Variants in NUAK1 observed in about 807,000 individuals in gnomAD.
NUAK1 encodes the protein NUAK family kinase 1, also known as NUAK family SNF1-like kinase 1.
Under a neutral mutation model 56.9 loss-of-function variants are expected in NUAK1, and 26 were observed. The observed-to-expected ratio is 0.46, with a 90% confidence interval of 0.33 to 0.63. The LOEUF (loss-of-function observed/expected upper bound fraction) is 0.63, where lower values mean the gene tolerates loss of function less well. Ranked by LOEUF, NUAK1 falls within the 30% of genes least tolerant of loss-of-function variation. NUAK1 has a pLI of 0.02. For synonymous variants in NUAK1, 337 were observed against 336.0 expected (o/e 1.00, Z -0.03); for missense variants, 727 against 876.1 (o/e 0.83, Z 2.15).
At chr12:106,128,508 G>A (rs2033046438) in intron 1 of NUAK1, among the ~76,000 whole-genome samples, 1 of 152,192 alleles carries the variant, frequency 6.6e-6, no homozygotes, top group Non-Finnish European at 1.5e-5. Context: ...AGTGACCTCT[G>A]GCAGTTGGGG....
intron 4 of NUAK1, among the ~76,000 whole-genome samples, chr12:106,075,322 G>C (rs12099596): frequency 0.02 from 1,482 of 73,400 alleles, 21 homozygotes; most frequent in African/African-American, 0.058. Flanking sequence ...CACACACAGA[G>C]AGAGAGAGAG....
intron 4 of NUAK1, among the ~76,000 whole-genome samples, chr12:106,074,795 C>A (rs774702164): frequency 2.0e-5 from 3 of 152,124 alleles, no homozygotes; most frequent in Non-Finnish European, 1.5e-5. Flanking sequence ...AATGGAATGT[C>A]ATTGAAAGCA....
intron 1 of NUAK1, among the ~76,000 whole-genome samples, chr12:106,114,839 T>C (rs753991986): frequency 1.3e-5 from 2 of 152,188 alleles, no homozygotes; most frequent in Non-Finnish European, 2.9e-5. Context: ...CCAGAACTGT[T>C]GCATCATTAA....
At chr12:106,131,393 A>G (rs1048597607) in intron 1 of NUAK1, among the ~76,000 whole-genome samples, 3 of 152,142 alleles carry the variant, frequency 2.0e-5, no homozygotes, top group South Asian at 2.1e-4. Flanking sequence ...CGCTGTCTCT[A>G]TGGATTTGTC....
At chr12:106,092,553 T>C (rs573861764) in intron 2 of NUAK1, among the ~76,000 whole-genome samples, 5 of 152,298 alleles carry the variant, frequency 3.3e-5, no homozygotes, top group Admixed American at 3.3e-4. Context: ...TCAACATGTT[T>C]GTGAGAATAA....
intron 4 of NUAK1, among the ~76,000 whole-genome samples, chr12:106,077,517 C>A (rs2032476586): frequency 6.6e-6 from 1 of 152,218 alleles, no homozygotes; most frequent in African/African-American, 2.4e-5. Context: ...TCTTACCACT[C>A]ATTTATAATA....
At chr12:106,096,836 A>G (rs1343170071) in intron 2 of NUAK1, among the ~76,000 whole-genome samples, 1 of 152,232 alleles carries the variant, frequency 6.6e-6, no homozygotes, top group Non-Finnish European at 1.5e-5. Context: ...TGCAGGATTA[A>G]GCCTGTATTT....
chr12:106,098,640 T>C (rs1482013070), intron 2 of NUAK1, among the ~76,000 whole-genome samples: 1 of 151,858 alleles, frequency 6.6e-6, no homozygotes, highest in African/African-American at 2.4e-5. Context: ...AAACCAAGGG[T>C]GTCAAAGGGA....
rs1336352757 is a variant in NUAK1, at chr12:106,065,954, G to C, written c.*848C>G. On this transcript the variant is annotated 3_prime_UTR_variant, in exon 7 of 7. Coordinates refer to ENST00000261402, the MANE Select transcript of NUAK1 (RefSeq NM_014840.3). ...CTCAAGAGGTTGTGCTGTAGAGCAA[G>C]GCAGACATCAGGAAAGAGGAGGTGA... The C allele has an allele frequency of 6.6e-6, 1 of 152,426 alleles. No individual in the cohort carries two copies. Among genetic ancestry groups the C allele is most frequent in the Non-Finnish European group, 1.5e-5 (1 of 68,094 alleles). 9.4% of individuals were successfully genotyped at this position (152,426 alleles called of 1,614,324 possible).
intron 3 of NUAK1, among the ~76,000 whole-genome samples, chr12:106,084,784 G>A (rs2032555334): frequency 6.6e-6 from 1 of 152,216 alleles, no homozygotes; most frequent in Non-Finnish European, 1.5e-5. Context: ...CATGGGAAGA[G>A]CAGTGGGCCC....
At chr12:106,121,476 G>T (rs567273589) in intron 1 of NUAK1, among the ~76,000 whole-genome samples, 38 of 152,308 alleles carry the variant, frequency 2.5e-4, no homozygotes, top group African/African-American at 8.4e-4. Flanking sequence ...GAGGCTGGGC[G>T]TGGTAGCCCA....
At chr12:106,095,801 A>T (rs1365455302) in intron 2 of NUAK1, among the ~76,000 whole-genome samples, 1 of 152,190 alleles carries the variant, frequency 6.6e-6, no homozygotes, top group African/African-American at 2.4e-5. Context: ...AGTGACCCCC[A>T]GTAAAAGCTG....
At chr12:106,134,753 A>T (rs1238333853) in intron 1 of NUAK1, among the ~76,000 whole-genome samples, 1 of 152,264 alleles carries the variant, frequency 6.6e-6, no homozygotes, top group African/African-American at 2.4e-5. Flanking sequence ...AGGCTCACCC[A>T]GTAGGCCTGC....
chr12:106,099,454 G>C (rs112396667), intron 2 of NUAK1, among the ~76,000 whole-genome samples: 8 of 152,302 alleles, frequency 5.3e-5, no homozygotes, highest in African/African-American at 1.9e-4. Flanking sequence ...ATGTAAGACA[G>C]TAACCTCTAT....
rs759290535 is a variant in NUAK1 at position 106,067,472 on chromosome 12, C to A, written c.1316G>T (p.Gly439Val). The change falls in exon 7 of 7, where the codon GGC becomes GTC. Residue 439 changes from glycine to valine, a missense_variant. By Grantham distance (109) the Gly-to-Val change is moderately radical (BLOSUM62 -3). Transcript: ENST00000261402. The surrounding 1 kb of genome is among the most constrained non-coding windows in gnomAD (Gnocchi z 6.0). The part of the protein sequence containing the change: ...FKMEQDLCRT[G>V]VLLPSSPEAE... ...CTCTGGTGAGCTTGGGAGGAGCACGCCAGTCCTGCACAAGTCCTGCTCCAT... is the reference window on the plus strand; with the variant it reads ...CTCTGGTGAGCTTGGGAGGAGCACGACAGTCCTGCACAAGTCCTGCTCCAT... The A allele has an allele frequency of 6.2e-7, 1 of 1,614,174 alleles. No homozygotes were observed. The highest frequency in any genetic ancestry group is 8.5e-7 in the Non-Finnish European group (1 of 1,180,042).
chr12:106,103,382 A>T (rs2032767872), intron 2 of NUAK1: 1 of 151,772 alleles, frequency 6.6e-6, no homozygotes, highest in Non-Finnish European at 1.5e-5. Flanking sequence ...CCTACAGGTC[A>T]ATCCTTCACC....
chr12:106,091,629 G>A (rs2136465076), intron 2 of NUAK1, among the ~76,000 whole-genome samples: 1 of 152,302 alleles, frequency 6.6e-6, no homozygotes, highest in Admixed American at 6.5e-5. Flanking sequence ...ACAAGGAGCT[G>A]CAGGTGAGTC....
intron 1 of NUAK1, among the ~76,000 whole-genome samples, chr12:106,125,314 A>C (rs2033015854): frequency 6.6e-6 from 1 of 152,238 alleles, no homozygotes; most frequent in Non-Finnish European, 1.5e-5. Context: ...GACTGGGATC[A>C]TGAAATTAAG....
At chr12:106,087,920 G>A (rs1322207670) in intron 2 of NUAK1, among the ~76,000 whole-genome samples, 3 of 152,330 alleles carry the variant, frequency 2.0e-5, no homozygotes, top group East Asian at 3.9e-4. Flanking sequence ...TTGCAGGGCC[G>A]CTGCTACTAT....
Sources: gnomAD v4.1 joint callset for allele counts (sites outside exome capture counted in the v4.1 genomes callset) on GRCh38, gnomAD v4.1.1 for gene constraint, Gnocchi (gnomAD v3.1) non-coding constraint, MANE v1.5 for transcripts, NCBI Gene and HGNC (gene_info 2026-07-23, HGNC 2026-07-21) for gene names.